Variants in DACH1 observed in about 807,000 individuals in gnomAD.
DACH1 encodes dachshund family transcription factor 1.
A neutral mutation model predicts 54.2 loss-of-function variants in DACH1; 12 were observed. The ratio of observed to expected loss-of-function variants is 0.22; its 90% CI spans 0.14 to 0.36. DACH1 has a LOEUF of 0.36. Ranked by LOEUF, DACH1 falls within the 10% of genes least tolerant of loss-of-function variation. The pLI, the probability that DACH1 is intolerant of heterozygous loss-of-function variation, is 1.00. For missense variants in DACH1, 805 were observed against 929.8 expected, an observed-to-expected ratio of 0.87 and a Z score of 1.75; for synonymous variants, 386 against 366.2, an observed-to-expected ratio of 1.05 and a Z score of -0.62.
chr13:71,864,766 C>T (rs1421623940), intron 1 of DACH1, among the ~76,000 whole-genome samples: 1 of 149,084 alleles, frequency 6.7e-6, no homozygotes, highest in Non-Finnish European at 1.5e-5. Context: ...TTGGTAGATC[C>T]TCCCCCACTG....
At chr13:71,551,792 T>C (rs931372303) in intron 6 of DACH1, among the ~76,000 whole-genome samples, 2 of 152,130 alleles carry the variant, frequency 1.3e-5, no homozygotes, top group Non-Finnish European at 2.9e-5. Flanking sequence ...GACTAAAATA[T>C]AAAGAAGAGA....
At chr13:71,457,817 G>C (rs111859987) in intron 10 of DACH1, among the ~76,000 whole-genome samples, 1 of 151,788 alleles carries the variant, frequency 6.6e-6, no homozygotes, top group African/African-American at 2.4e-5. Flanking sequence ...CCAAAGTTGT[G>C]TCTCTCATCT....
At chr13:71,636,121 C>T (rs1460516440) in intron 2 of DACH1, among the ~76,000 whole-genome samples, 2 of 151,992 alleles carry the variant, frequency 1.3e-5, no homozygotes, top group Admixed American at 6.6e-5. Flanking sequence ...CCCATTTCTC[C>T]CTCAGAACTA....
At chr13:71,585,269 C>T (rs1448338467) in intron 3 of DACH1, among the ~76,000 whole-genome samples, 5 of 152,034 alleles carry the variant, frequency 3.3e-5, no homozygotes, top group Non-Finnish European at 7.4e-5. Context: ...AGAATTTTCT[C>T]ATGTGCATGT....
At chr13:71,590,441 A>G (rs967501583) in intron 3 of DACH1, among the ~76,000 whole-genome samples, 37 of 152,208 alleles carry the variant, frequency 2.4e-4, no homozygotes, top group African/African-American at 8.9e-4. Flanking sequence ...TCAATTCTGA[A>G]GAATTAAAAT....
At chr13:71,704,163 T>C in intron 1 of DACH1, 1 of 201,560 alleles carries the variant, frequency 5.0e-6, no homozygotes, top group South Asian at 9.4e-5. Context: ...ACCCGCCATC[T>C]TCCAGTAATT....
intron 1 of DACH1, among the ~76,000 whole-genome samples, chr13:71,779,154 TATACGTATATACGTATATATATAC>T: frequency 2.5e-5 from 2 of 80,060 alleles, no homozygotes; most frequent in Non-Finnish European, 5.9e-5. Flanking sequence ...TATACACATA[TATACGTATATACGTATATATATAC>T]ACATATATAC....
chr13:71,590,875 C>CTTTTTTTTTTT (rs71123234), intron 3 of DACH1, among the ~76,000 whole-genome samples: 25 of 85,118 alleles, frequency 2.9e-4, no homozygotes, highest in South Asian at 4.5e-4. Flanking sequence ...CTCTCTCTTT[C>CTTTTTTTTTTT]TTTTTTTTTT....
At chr13:71,626,177 TTTGTTGTCA>T (rs1489649464) in intron 3 of DACH1, among the ~76,000 whole-genome samples, 2 of 151,986 alleles carry the variant, frequency 1.3e-5, no homozygotes, top group Admixed American at 1.3e-4. Context: ...AGTTACTTCC[TTTGTTGTCA>T]TTAAGGAAGG....
At chr13:71,470,990 C>G (rs910211902) in intron 10 of DACH1, among the ~76,000 whole-genome samples, 10 of 152,094 alleles carry the variant, frequency 6.6e-5, no homozygotes, top group Admixed American at 4.6e-4. Flanking sequence ...AGGGAGTTGC[C>G]ACAGCGGGAG....
chr13:71,619,802 T>C (rs1350161357), intron 3 of DACH1, among the ~76,000 whole-genome samples: 1 of 151,914 alleles, frequency 6.6e-6, no homozygotes, highest in East Asian at 1.9e-4. Flanking sequence ...TATTATCAAG[T>C]AAGGATTCTA....
At chr13:71,467,282 A>T (rs2138153137) in intron 10 of DACH1, among the ~76,000 whole-genome samples, 1 of 141,528 alleles carries the variant, frequency 7.1e-6, no homozygotes, top group East Asian at 2.1e-4. Context: ...TCTCACTCAT[A>T]GGTGAGAATT....
At chr13:71,723,288 C>A (rs1883313644) in intron 1 of DACH1, among the ~76,000 whole-genome samples, 1 of 151,830 alleles carries the variant, frequency 6.6e-6, no homozygotes, top group African/African-American at 2.4e-5. Flanking sequence ...GTGGCACATG[C>A]CTGTAGCCCC....
intron 2 of DACH1, among the ~76,000 whole-genome samples, chr13:71,674,126 C>T (rs911776122): frequency 1.3e-5 from 2 of 152,084 alleles, no homozygotes; most frequent in Admixed American, 1.3e-4. Context: ...CTGTGCCAGG[C>T]AATATTCTAC....
intron 6 of DACH1, among the ~76,000 whole-genome samples, chr13:71,546,182 A>G (rs1883454219): frequency 6.6e-6 from 1 of 152,070 alleles, no homozygotes; most frequent in South Asian, 2.1e-4. Flanking sequence ...CATCCTATCA[A>G]CTGTTTCCTC....
chr13:71,728,532 T>A (rs925122477), intron 1 of DACH1, among the ~76,000 whole-genome samples: 1 of 151,998 alleles, frequency 6.6e-6, no homozygotes, highest in African/African-American at 2.4e-5. Flanking sequence ...AAAAATAATT[T>A]CCATGAATTC....
intron 1 of DACH1, among the ~76,000 whole-genome samples, chr13:71,816,696 A>G (rs1887971341): frequency 6.6e-6 from 1 of 150,510 alleles, no homozygotes; most frequent in Admixed American, 6.6e-5. Context: ...ATACACATAT[A>G]TATATATACA....
intron 1 of DACH1, among the ~76,000 whole-genome samples, chr13:71,683,749 C>G (rs1389332584): frequency 2.0e-5 from 3 of 152,010 alleles, no homozygotes; most frequent in African/African-American, 7.2e-5. Context: ...AATCAACAGC[C>G]CTCTGATAGT....
Position 71,866,828 on chromosome 13 carries a change from C to G in DACH1, c.-59G>C, listed in dbSNP as rs1401236812. On this transcript the variant is annotated 5_prime_UTR_variant, in exon 1 of 11. Transcript: ENST00000613252. ...GCGAGAGGAAAAGTTGCCACACACC[C>G]CCGGGAGGGGAAGGGGAAAAAAGGG... 7.9e-7 allele frequency: 1 copy of G among 1,271,714 alleles called. No homozygotes were observed. Among genetic ancestry groups the G allele is most frequent in the Non-Finnish European group, 1.0e-6 (1 of 1,002,024 alleles). 78.8% of individuals were successfully genotyped at this position (1,271,714 alleles called of 1,614,324 possible).
Sources: allele counts gnomAD v4.1 joint callset (sites outside exome capture counted in the v4.1 genomes callset), GRCh38; gene constraint gnomAD v4.1.1; transcripts MANE v1.5; gene names NCBI Gene and HGNC (gene_info 2026-07-23, HGNC 2026-07-21).